GSG1L: variants seen among roughly 807,000 people sequenced by gnomAD.
GSG1L encodes GSG1 like, also known as germ cell-specific gene 1-like protein.
In GSG1L, 24 loss-of-function variants were observed where a neutral mutation model predicts 42.1. That is an observed-to-expected ratio of 0.57 (90% CI 0.41 to 0.80). The LOEUF is 0.80. Among genes scored for constraint, GSG1L ranks in the 30% least tolerant of loss-of-function variants. The pLI is 0.00. For missense variants in GSG1L, 445 were observed against 472.2 expected (o/e 0.94, Z 0.53); for synonymous variants, 215 against 203.5 (o/e 1.06, Z -0.48).
At chr16:27,945,752 C>T (rs1433992402) in intron 2 of GSG1L, among the ~76,000 whole-genome samples, 13 of 152,206 alleles carry the variant, frequency 8.5e-5, no homozygotes, top group Admixed American at 8.5e-4. Context: ...GGCTTCAAGG[C>T]GTAGGTAGGG....
At chr16:27,865,388 C>T (rs567874456) in intron 3 of GSG1L, among the ~76,000 whole-genome samples, 13 of 151,758 alleles carry the variant, frequency 8.6e-5, no homozygotes, top group Non-Finnish European at 1.6e-4. Context: ...GATCCATTCC[C>T]GGCTGGGAGC....
chr16:28,034,780 C>T (rs1367741260), intron 1 of GSG1L, among the ~76,000 whole-genome samples: 1 of 152,198 alleles, frequency 6.6e-6, no homozygotes, highest in East Asian at 1.9e-4. Flanking sequence ...GGCCTCTACC[C>T]ATTGGCTGCC....
intron 1 of GSG1L, among the ~76,000 whole-genome samples, chr16:27,963,733 G>C (rs756561054): frequency 2.5e-4 from 38 of 152,084 alleles, no homozygotes; most frequent in Non-Finnish European, 4.6e-4. Context: ...CCCCGTTCCT[G>C]GTACACCCCT....
At chr16:28,056,525 G>A (rs1016125932) in intron 1 of GSG1L, among the ~76,000 whole-genome samples, 28 of 125,508 alleles carry the variant, frequency 2.2e-4, no homozygotes, top group African/African-American at 6.8e-4. Flanking sequence ...GGTAAATGAC[G>A]AGTTAATGGG....
At position 27,856,738 on chromosome 16, in the gene GSG1L, G is replaced by T. The variant is rs141457729; in HGVS notation, c.551-11677C>A. Among the ~76,000 whole-genome samples the T allele has an allele frequency of 3.7e-3, 563 of 152,342 alleles. 2 individuals carry two copies. Among genetic ancestry groups the T allele is most frequent in the South Asian group, 5.6e-3 (27 of 4,828 alleles). On this transcript the variant is annotated intron_variant, in intron 3 of 6. Coordinates refer to ENST00000447459, the MANE Select transcript of GSG1L (RefSeq NM_001109763.2). ...CTTTCTGAATGAATTTATGTTGTGAGAACAGTGAGTGATTTAGAGAAAATG... is the reference window on the plus strand; with the variant it reads ...CTTTCTGAATGAATTTATGTTGTGATAACAGTGAGTGATTTAGAGAAAATG...
chr16:28,059,653 A>AC lies in GSG1L; in HGVS notation c.349+3422dup, dbSNP rs569978558. Among the ~76,000 whole-genome samples, 173 of 151,270 alleles carry AC rather than the reference A, an allele frequency of 1.1e-3. 1 individual carries two copies. Among genetic ancestry groups the AC allele is most frequent in the African/African-American group, 4.1e-3 (170 of 41,176 alleles). ...CCCTCCTCCAGGCCTCTCCTCAGCC[A>AC]CCCCCACCACACTGACTAGAACGAT... On this transcript the variant is annotated intron_variant, in intron 1 of 6. Coordinates refer to ENST00000447459, the MANE Select transcript of GSG1L (RefSeq NM_001109763.2). The surrounding 1 kb of genome is among the most constrained non-coding windows in gnomAD (Gnocchi z 4.4).
intron 2 of GSG1L, among the ~76,000 whole-genome samples, chr16:27,947,632 G>A (rs886158191): frequency 2.6e-5 from 4 of 151,336 alleles, no homozygotes; most frequent in Non-Finnish European, 5.9e-5. Context: ...GTTCTCTGTG[G>A]GTTGTGTGAT....
At chr16:27,853,483 G>A (rs1219931905) in intron 3 of GSG1L, among the ~76,000 whole-genome samples, 1 of 152,162 alleles carries the variant, frequency 6.6e-6, no homozygotes, top group Non-Finnish European at 1.5e-5. Context: ...TGAGGACACG[G>A]GGAGGGGGGT....
At chr16:28,012,561 T>C (rs1374912167) in intron 1 of GSG1L, among the ~76,000 whole-genome samples, 1 of 148,014 alleles carries the variant, frequency 6.8e-6, no homozygotes, top group Admixed American at 7.0e-5. Flanking sequence ...AGAGTGCAGA[T>C]TGACCTGAAA....
intron 2 of GSG1L, among the ~76,000 whole-genome samples, chr16:27,957,984 G>C (rs183878582): frequency 6.6e-6 from 1 of 152,262 alleles, no homozygotes; most frequent in East Asian, 1.9e-4. Context: ...GCATTACCAA[G>C]GGGACGGCAC....
intron 1 of GSG1L, among the ~76,000 whole-genome samples, chr16:27,974,950 C>T (rs1288866852): frequency 6.6e-6 from 1 of 151,982 alleles, no homozygotes; most frequent in African/African-American, 2.4e-5. Flanking sequence ...CAAGGGAAAC[C>T]CAGGTCTGAA....
At position 28,040,759 on chromosome 16, in the gene GSG1L, C is replaced by T. The variant is rs138550538; in HGVS notation, c.349+22317G>A. Among the ~76,000 whole-genome samples the T allele has an allele frequency of 6.8e-3, 1,035 of 152,328 alleles. 8 individuals carry two copies. Among genetic ancestry groups the T allele is most frequent in the African/African-American group, 0.021 (857 of 41,586 alleles). On this transcript the variant is annotated intron_variant, in intron 1 of 6. Coordinates refer to ENST00000447459, the MANE Select transcript of GSG1L (RefSeq NM_001109763.2). The surrounding 1 kb of genome is among the most constrained non-coding windows in gnomAD (Gnocchi z 4.1). The stretch of plus-strand genomic sequence containing the variant: ...ACTTGCAGGTGGCTCTGGAGCCCCA[C>T]ATGCCCGCCCCAGGCAGGGTAGTGC...
intron 2 of GSG1L, among the ~76,000 whole-genome samples, chr16:27,886,657 A>G (rs912396534): frequency 6.6e-6 from 1 of 152,238 alleles, no homozygotes; most frequent in Non-Finnish European, 1.5e-5. Flanking sequence ...GGTCAAGGCT[A>G]GAGATAGAGT....
intron 2 of GSG1L, among the ~76,000 whole-genome samples, chr16:27,958,424 A>AAAG (rs1253692218): frequency 1.8e-4 from 27 of 150,850 alleles, no homozygotes; most frequent in Admixed American, 3.3e-4. Context: ...AAAAAAAAAA[A>AAAG]AAAGAAAAGA....
At chr16:27,946,320 A>G (rs1462698110) in intron 2 of GSG1L, among the ~76,000 whole-genome samples, 1 of 151,986 alleles carries the variant, frequency 6.6e-6, no homozygotes, top group East Asian at 1.9e-4. Context: ...CAAGGTGGGC[A>G]GATCACTTGA....
chr16:27,914,219 C>A (rs2084424439), intron 2 of GSG1L, among the ~76,000 whole-genome samples: 1 of 152,094 alleles, frequency 6.6e-6, no homozygotes. Flanking sequence ...AAAATGAATT[C>A]TTCAAGGAAT....
chr16:28,031,818 G>C (rs1027045475), intron 1 of GSG1L, among the ~76,000 whole-genome samples: 3 of 152,204 alleles, frequency 2.0e-5, no homozygotes, highest in African/African-American at 7.2e-5. Context: ...CTTTCTGAAT[G>C]TGCGTAGAGC....
intron 3 of GSG1L, among the ~76,000 whole-genome samples, chr16:27,860,925 G>A (rs2083641259): frequency 6.6e-6 from 1 of 152,210 alleles, no homozygotes; most frequent in South Asian, 2.1e-4. Flanking sequence ...GAAGAGGATT[G>A]GAAGACACAT....
chr16:27,922,335 A>G (rs778625468), intron 2 of GSG1L, among the ~76,000 whole-genome samples: 2 of 152,210 alleles, frequency 1.3e-5, no homozygotes, highest in Non-Finnish European at 2.9e-5. Flanking sequence ...TCAACAAAAC[A>G]TAACTACAAA....
Sources: allele counts gnomAD v4.1 joint callset (sites outside exome capture counted in the v4.1 genomes callset), GRCh38; gene constraint gnomAD v4.1.1; non-coding constraint Gnocchi (gnomAD v3.1); transcripts MANE v1.5; gene names NCBI Gene and HGNC (gene_info 2026-07-23, HGNC 2026-07-21).